RFX7: variants seen among roughly 807,000 people sequenced by gnomAD.
The protein encoded by RFX7 is regulatory factor X7.
RFX7 carries 26 observed loss-of-function variants against 111.8 expected under a neutral mutation model. The ratio of observed to expected loss-of-function variants is 0.23; its 90% CI spans 0.17 to 0.32. The LOEUF (loss-of-function observed/expected upper bound fraction) is 0.32, where lower values mean the gene tolerates loss of function less well. Ranked by LOEUF, RFX7 falls within the 10% of genes least tolerant of loss-of-function variation. RFX7 has a pLI of 1.00. For synonymous variants in RFX7, 624 were observed against 624.4 expected, an observed-to-expected ratio of 1.00 and a Z score of 0.01; for missense variants, 1,573 against 1,772.9, an observed-to-expected ratio of 0.89 and a Z score of 2.02.
At chr15:56,120,145 G>A (rs779206845) in intron 5 of RFX7, among the ~76,000 whole-genome samples, 2 of 152,068 alleles carry the variant, frequency 1.3e-5, no homozygotes, top group African/African-American at 4.8e-5. Context: ...AACATGGAAC[G>A]CCTTTACATT....
chr15:56,164,529 A>G (rs1006226868), intron 3 of RFX7, among the ~76,000 whole-genome samples: 6 of 152,318 alleles, frequency 3.9e-5, no homozygotes, highest in Admixed American at 6.5e-5. Flanking sequence ...AATAATATCT[A>G]TTGCAGTGTC....
At chr15:56,180,537 A>G (rs1372206430) in intron 2 of RFX7, among the ~76,000 whole-genome samples, 1 of 152,126 alleles carries the variant, frequency 6.6e-6, no homozygotes, top group Non-Finnish European at 1.5e-5. Flanking sequence ...ATGTGAGAGT[A>G]ATCTACATAT....
chr15:56,209,431 C>A (rs1393346703), intron 2 of RFX7, among the ~76,000 whole-genome samples: 1 of 151,926 alleles, frequency 6.6e-6, no homozygotes, highest in Non-Finnish European at 1.5e-5. Context: ...AAAAGGAATT[C>A]TTTAGAGAGA....
intron 2 of RFX7, among the ~76,000 whole-genome samples, chr15:56,188,468 T>C (rs901045141): frequency 1.3e-5 from 2 of 152,040 alleles, no homozygotes; most frequent in South Asian, 4.1e-4. Flanking sequence ...AGGATAATTA[T>C]AAAGAAACCC....
chr15:56,156,341 A>G (rs951374265), intron 3 of RFX7, among the ~76,000 whole-genome samples: 11 of 152,100 alleles, frequency 7.2e-5, no homozygotes, highest in Non-Finnish European at 7.3e-5. Context: ...GAATGTGCAC[A>G]TGCATGCATC....
intron 3 of RFX7, among the ~76,000 whole-genome samples, chr15:56,163,644 G>T (rs2042750634): frequency 6.6e-6 from 1 of 152,110 alleles, no homozygotes; most frequent in East Asian, 1.9e-4. Context: ...TTAAAATAGA[G>T]TAATCAAGGA....
At chr15:56,164,445 T>C (rs1252605291) in intron 3 of RFX7, among the ~76,000 whole-genome samples, 1 of 152,202 alleles carries the variant, frequency 6.6e-6, no homozygotes, top group Non-Finnish European at 1.5e-5. Flanking sequence ...AGCACTTAGA[T>C]ATGGAGCAAG....
intron 3 of RFX7, among the ~76,000 whole-genome samples, chr15:56,166,580 T>C (rs1356602352): frequency 6.6e-6 from 1 of 152,208 alleles, no homozygotes; most frequent in African/African-American, 2.4e-5. Flanking sequence ...TTCATAAATA[T>C]TGTGTTTCAT....
intron 3 of RFX7, among the ~76,000 whole-genome samples, chr15:56,158,446 A>G (rs1244301350): frequency 6.6e-6 from 1 of 152,214 alleles, no homozygotes; most frequent in South Asian, 2.1e-4. Context: ...TCTATCAACA[A>G]GTATAGAAAA....
chr15:56,095,806 T>G lies in RFX7; in HGVS notation c.1922A>C (p.Asn641Thr). 1 of 1,612,158 alleles carries G rather than the reference T, an allele frequency of 6.2e-7. No individual in the cohort carries two copies. The highest frequency in any genetic ancestry group is 8.5e-7 in the Non-Finnish European group (1 of 1,179,708). Residue 641 changes from asparagine to threonine, a missense_variant, in exon 10 of 10, where the codon AAT becomes ACT. Asn to Thr is a moderately conservative substitution (Grantham distance 65, BLOSUM62 0). This residue lies in a region of RFX7 where 625 missense variants were observed against 632.2 expected (regional missense o/e 0.99). Coordinates refer to ENST00000559447, the MANE Select transcript of RFX7 (RefSeq NM_022841.7). ...LTFTSSSSPP[N>T]GDSINKDPKL... ...AGGGTCTTTATTGATTGAGTCACCA[T>G]TAGGTGGTGAGCTGCTGCTGGTGAA... is the stretch of plus-strand genomic sequence containing the variant.
At chr15:56,204,355 C>T (rs1452251774) in intron 2 of RFX7, among the ~76,000 whole-genome samples, 1 of 152,050 alleles carries the variant, frequency 6.6e-6, no homozygotes, top group Non-Finnish European at 1.5e-5. Flanking sequence ...TACGTTGTAT[C>T]TATTTGAGAG....
rs188917137 is a variant in RFX7, at chr15:56,154,397, G to A, written c.196-9914C>T. On this transcript the variant is annotated intron_variant, in intron 3 of 9. Transcript: ENST00000559447. Reference sequence around the variant, plus strand: ...CTTCAAACTATACTACAAGGCTACAGTAACCAAACAGCATGGTACTGGTGC... The same window carrying A: ...CTTCAAACTATACTACAAGGCTACAATAACCAAACAGCATGGTACTGGTGC... Among the ~76,000 whole-genome samples, 208 of 144,586 alleles carry A rather than the reference G, an allele frequency of 1.4e-3. 1 individual carries two copies. The highest frequency in any genetic ancestry group is 3.5e-3 in the Middle Eastern group (1 of 286). The allele number at this position is 144,586 out of a possible 152,430, so 94.9% of individuals were successfully genotyped here. A position where few individuals can be genotyped will look rare whatever the true frequency, so the allele number is the denominator to read the frequency against.
At chr15:56,170,906 A>G (rs537618771) in intron 3 of RFX7, among the ~76,000 whole-genome samples, 1 of 152,282 alleles carries the variant, frequency 6.6e-6, no homozygotes, top group Non-Finnish European at 1.5e-5. Flanking sequence ...GAGGTTGGAC[A>G]AAAAAGGTAA....
intron 2 of RFX7, among the ~76,000 whole-genome samples, chr15:56,241,751 C>A (rs949813485): frequency 2.6e-5 from 4 of 152,036 alleles, no homozygotes; most frequent in Non-Finnish European, 4.4e-5. Flanking sequence ...CCAATCATAT[C>A]TATCAGACCT....
chr15:56,098,706 G>A (rs2041715000), intron 8 of RFX7, among the ~76,000 whole-genome samples: 1 of 152,122 alleles, frequency 6.6e-6, no homozygotes, highest in South Asian at 2.1e-4. Flanking sequence ...TGCCAACACA[G>A]CATTTTTACA....
At position 56,090,763 on chromosome 15, in the gene RFX7, C is replaced by T. The variant is rs1280968779; in HGVS notation, c.*2582G>A. 1 of 152,486 alleles carries T rather than the reference C, an allele frequency of 6.6e-6. No homozygotes were observed. The highest frequency in any genetic ancestry group is 1.5e-5 in the Non-Finnish European group (1 of 68,014). 9.4% of individuals were successfully genotyped at this position (152,486 alleles called of 1,614,324 possible). On this transcript the variant is annotated 3_prime_UTR_variant, in exon 10 of 10. Transcript: ENST00000559447. The stretch of plus-strand genomic sequence containing the variant: ...TCGTGTAGTAAAGCACATTATAGTA[C>T]AAGACTATTATATGAACCTCAGAAG...
intron 2 of RFX7, among the ~76,000 whole-genome samples, chr15:56,217,100 T>C (rs1323645375): frequency 5.3e-5 from 8 of 151,218 alleles, no homozygotes; most frequent in African/African-American, 2.0e-4. Flanking sequence ...ATATTGACCA[T>C]TGTCAAATTT....
intron 5 of RFX7, among the ~76,000 whole-genome samples, chr15:56,107,628 C>G (rs2041849311): frequency 6.6e-6 from 1 of 152,198 alleles, no homozygotes; most frequent in African/African-American, 2.4e-5. Flanking sequence ...TTAATCCTCT[C>G]AACAACCTTA....
chr15:56,098,135 G>T lies in RFX7; in HGVS notation c.1053C>A (p.Ile351=), dbSNP rs117740095. The T allele has an allele frequency of 1.7e-4, 281 of 1,613,914 alleles. No homozygotes were observed. Among genetic ancestry groups the T allele is most frequent in the Non-Finnish European group, 2.3e-4 (270 of 1,179,832 alleles). Residue 351 remains isoleucine, a synonymous_variant, in exon 9 of 10, where the codon ATC becomes ATA. Transcript: ENST00000559447. The part of the protein sequence containing the change: ...VTNLPNGNPS[I]LSPQPIGIVV... ...CGATACCAATAGGTTGAGGAGAAAG[G>T]ATTGAAGGATTTCCATTAGGAAGAT...
Sources: allele counts gnomAD v4.1 joint callset (sites outside exome capture counted in the v4.1 genomes callset), GRCh38; gene constraint gnomAD v4.1.1; regional missense constraint gnomAD v4.1.1; transcripts MANE v1.5; gene names NCBI Gene and HGNC (gene_info 2026-07-23, HGNC 2026-07-21).